The following ADAM29 variants were observed in gnomAD, a reference collection of about 807,000 sequenced individuals.
The protein encoded by ADAM29 is ADAM metallopeptidase domain 29.
For missense variants in ADAM29, 969 were observed against 1,001.8 expected, an observed-to-expected ratio of 0.97 and a Z score of 0.44; for synonymous variants, 367 against 342.3, an observed-to-expected ratio of 1.07 and a Z score of -0.80.
chr4:174,947,042 T>C (rs1407361502), intron 4 of ADAM29, among the ~76,000 whole-genome samples: 3 of 152,256 alleles, frequency 2.0e-5, no homozygotes, highest in South Asian at 4.1e-4. Context: ...GAGATGTTTT[T>C]AATAGTCTCT....
intron 4 of ADAM29, among the ~76,000 whole-genome samples, chr4:174,945,870 T>C (rs1651232336): frequency 6.6e-6 from 1 of 152,202 alleles, no homozygotes; most frequent in African/African-American, 2.4e-5. Flanking sequence ...TTTGCACCAG[T>C]ACCATGCCAT....
intron 4 of ADAM29, among the ~76,000 whole-genome samples, chr4:174,939,270 T>C (rs562770788): frequency 6.6e-6 from 1 of 152,300 alleles, no homozygotes; most frequent in Middle Eastern, 3.4e-3. Flanking sequence ...TTCTTTTCCA[T>C]TTCCTTTTCT....
chr4:174,956,675 T>A (rs1446780265), intron 4 of ADAM29, among the ~76,000 whole-genome samples: 2 of 151,826 alleles, frequency 1.3e-5, no homozygotes, highest in Non-Finnish European at 2.9e-5. Flanking sequence ...TTCTGGCCAT[T>A]GTACTAAGCA....
Position 174,954,625 on chromosome 4 carries a change from C to T in ADAM29, c.-181+17612C>T, listed in dbSNP as rs181453071. ...TTCCCTTTATTTTATCAAGCTTGTTCTGCCTTTCATTTAACACCTGAGTCA... is the reference window on the plus strand; with the variant it reads ...TTCCCTTTATTTTATCAAGCTTGTTTTGCCTTTCATTTAACACCTGAGTCA... On this transcript the variant is annotated intron_variant, in intron 4 of 4. Transcript: ENST00000359240. Among the ~76,000 whole-genome samples the T allele has an allele frequency of 5.8e-4, 89 of 152,182 alleles. 1 individual carries two copies. Among genetic ancestry groups the T allele is most frequent in the Middle Eastern group, 3.4e-3 (1 of 294 alleles).
chr4:174,969,689 T>C (rs1465031350), intron 4 of ADAM29, among the ~76,000 whole-genome samples: 1 of 152,072 alleles, frequency 6.6e-6, no homozygotes, highest in Non-Finnish European at 1.5e-5. Context: ...ATCATGCTTT[T>C]ACATTTCAAA....
intron 2 of ADAM29, among the ~76,000 whole-genome samples, chr4:174,923,326 A>T (rs1387746348): frequency 6.6e-6 from 1 of 151,800 alleles, no homozygotes; most frequent in Non-Finnish European, 1.5e-5. Context: ...AAGTGCTGGG[A>T]TTACAGTCAT....
At chr4:174,943,512 A>G (rs2110983552) in intron 4 of ADAM29, among the ~76,000 whole-genome samples, 1 of 152,306 alleles carries the variant, frequency 6.6e-6, no homozygotes, top group South Asian at 2.1e-4. Context: ...ATATAGCAGC[A>G]GGAAAGAGAG....
chr4:174,949,831 C>T (rs977795203), intron 4 of ADAM29, among the ~76,000 whole-genome samples: 2 of 152,082 alleles, frequency 1.3e-5, no homozygotes, highest in African/African-American at 2.4e-5. Context: ...TTAATCCTTT[C>T]CCCCTCACTT....
intron 4 of ADAM29, among the ~76,000 whole-genome samples, chr4:174,952,485 G>C (rs1430597623): frequency 2.0e-5 from 3 of 152,134 alleles, no homozygotes; most frequent in Non-Finnish European, 4.4e-5. Context: ...AGCACTGTTA[G>C]TCAGGACCAG....
intron 2 of ADAM29, among the ~76,000 whole-genome samples, chr4:174,929,479 G>T (rs553276450): frequency 9.2e-5 from 14 of 152,126 alleles, no homozygotes; most frequent in Non-Finnish European, 1.6e-4. Context: ...AATGGAAAAG[G>T]GGGGAAACAC....
intron 4 of ADAM29, among the ~76,000 whole-genome samples, chr4:174,968,769 GCCCACA>G (rs1746293490): frequency 1.1e-5 from 1 of 93,386 alleles, no homozygotes; most frequent in African/African-American, 4.9e-5. Context: ...GCCACTTTCC[GCCCACA>G]CACACACACA....
Position 174,962,240 on chromosome 4 carries a change from A to G in ADAM29, c.-180-13106A>G, listed in dbSNP as rs377683863. ...AGATTTACAGTTAGAGGCCTGGTGC[A>G]GTGGCTCATGCCTGTAATCCCAGTA... On this transcript the variant is annotated intron_variant, in intron 4 of 4. Coordinates refer to ENST00000359240, the MANE Select transcript of ADAM29 (RefSeq NM_014269.4). 7.4e-4 allele frequency among the ~76,000 whole-genome samples: 112 copies of G among 152,284 alleles called. 1 individual carries two copies. The highest frequency in any genetic ancestry group is 1.4e-3 in the Non-Finnish European group (94 of 68,020).
At position 174,977,554 on chromosome 4, in the gene ADAM29, T is replaced by C. The variant is rs1346315121; in HGVS notation, c.2029T>C (p.Cys677Arg). 1.2e-6 allele frequency: 2 copies of C among 1,614,130 alleles called. No homozygotes were observed. Among genetic ancestry groups the C allele is most frequent in the Admixed American group, 3.3e-5 (2 of 60,020 alleles). ...PPKRKKKKKF[C>R]YLCILLLIVL... ...TAAGAGAAAGAAGAAAAAGAAGTTC[T>C]GTTATCTGTGTATATTGTTGCTTAT... Residue 677 changes from cysteine to arginine, a missense_variant, in exon 5 of 5, where the codon TGT (cysteine) becomes CGT (arginine). Transcript: ENST00000359240.
rs541124285 is a variant in ADAM29 at position 174,927,031 on chromosome 4, G to C, written c.-450-3955G>C. Among the ~76,000 whole-genome samples the C allele has an allele frequency of 4.6e-5, 7 of 152,086 alleles. No homozygotes were observed. In the East Asian group the frequency reaches 9.7e-4, roughly 21 times the overall value. On this transcript the variant is annotated intron_variant, in intron 2 of 4. Transcript: ENST00000359240. ...TTATCAAAGATACTCAGTATCATTA[G>C]TCATTAGTGAAATGCAAATTAAACT...
At chr4:174,957,392 C>T (rs989556321) in intron 4 of ADAM29, among the ~76,000 whole-genome samples, 1 of 151,774 alleles carries the variant, frequency 6.6e-6, no homozygotes, top group Admixed American at 6.6e-5. Flanking sequence ...CTGACCTGTA[C>T]CCAGTTGGAT....
intron 4 of ADAM29, among the ~76,000 whole-genome samples, chr4:174,961,339 T>C (rs1305004961): frequency 1.3e-5 from 2 of 151,438 alleles, no homozygotes; most frequent in Non-Finnish European, 2.9e-5. Flanking sequence ...ATATTATTGA[T>C]AATATTAAAT....
intron 4 of ADAM29, among the ~76,000 whole-genome samples, chr4:174,953,704 CT>C (rs529265072): frequency 1.3e-5 from 2 of 151,768 alleles, no homozygotes; most frequent in African/African-American, 4.8e-5. Flanking sequence ...ATGACCCATG[CT>C]TTTTTTTATT....
At chr4:174,927,550 T>TAA (rs1743590981) in intron 2 of ADAM29, among the ~76,000 whole-genome samples, 1 of 152,262 alleles carries the variant, frequency 6.6e-6, no homozygotes, top group African/African-American at 2.4e-5. Context: ...TAAATTTTCT[T>TAA]TGGAATGATT....
chr4:174,934,611 T>C (rs1320583093), intron 3 of ADAM29, among the ~76,000 whole-genome samples: 1 of 152,190 alleles, frequency 6.6e-6, no homozygotes, highest in South Asian at 2.1e-4. Flanking sequence ...CATCTTATTA[T>C]TTTTTCACTA....
Sources: gnomAD v4.1 joint callset for allele counts (sites outside exome capture counted in the v4.1 genomes callset) on GRCh38, gnomAD v4.1.1 for gene constraint, MANE v1.5 for transcripts, NCBI Gene and HGNC (gene_info 2026-07-23, HGNC 2026-07-21) for gene names.